The following GABRG3 variants were observed in gnomAD, a reference collection of about 807,000 sequenced individuals.
GABRG3 encodes the protein gamma-aminobutyric acid receptor subunit gamma-3.
GABRG3 carries 25 observed loss-of-function variants against 48.8 expected under a neutral mutation model. The ratio of observed to expected loss-of-function variants is 0.51; its 90% CI spans 0.37 to 0.72. GABRG3 has a LOEUF of 0.72. Among genes scored for constraint, GABRG3 ranks in the 30% least tolerant of loss-of-function variants. The pLI is 0.00. For missense variants in GABRG3, 394 were observed against 577.9 expected (o/e 0.68, Z 3.26); for synonymous variants, 227 against 217.6 (o/e 1.04, Z -0.38).
intron 5 of GABRG3, among the ~76,000 whole-genome samples, chr15:27,353,045 A>G (rs1313742519): frequency 1.3e-5 from 2 of 152,074 alleles, no homozygotes; most frequent in Admixed American, 1.3e-4. Flanking sequence ...TTATTACACA[A>G]AAACTCCTCC....
chr15:27,045,138 A>G (rs1896340722), intron 3 of GABRG3, among the ~76,000 whole-genome samples: 1 of 152,218 alleles, frequency 6.6e-6, no homozygotes, highest in Non-Finnish European at 1.5e-5. Flanking sequence ...CAGAAGTGGA[A>G]TGAGAAGCTC....
At chr15:27,163,066 T>A (rs772046504) in intron 3 of GABRG3, among the ~76,000 whole-genome samples, 1 of 151,966 alleles carries the variant, frequency 6.6e-6, no homozygotes, top group Non-Finnish European at 1.5e-5. Flanking sequence ...CAGTGTCCCA[T>A]GTGGCTGCTC....
At chr15:27,308,537 C>CATATATAATGTAAACATACATGTTT in intron 3 of GABRG3, among the ~76,000 whole-genome samples, 1 of 145,082 alleles carries the variant, frequency 6.9e-6, no homozygotes, top group East Asian at 2.1e-4. Context: ...TTTATATAAA[C>CATATATAATGTAAACATACATGTTT]ATATATAATG....
intron 3 of GABRG3, among the ~76,000 whole-genome samples, chr15:27,155,975 T>C (rs1410857711): frequency 6.6e-6 from 1 of 152,078 alleles, no homozygotes; most frequent in Non-Finnish European, 1.5e-5. Context: ...TCTATTCTGT[T>C]TGGCTAGAAA....
At chr15:27,189,108 C>T (rs1201032258) in intron 3 of GABRG3, among the ~76,000 whole-genome samples, 2 of 151,994 alleles carry the variant, frequency 1.3e-5, no homozygotes, top group South Asian at 2.1e-4. Context: ...GGTACCAGTA[C>T]CATGCTGTTT....
rs1159596681 is a variant in GABRG3 at position 27,541,828 on chromosome 15, C to T, written c.*8947C>T. The T allele has an allele frequency of 6.6e-6, 1 of 152,194 alleles. No individual in the cohort carries two copies. Among genetic ancestry groups the T allele is most frequent in the Non-Finnish European group, 1.5e-5 (1 of 68,050 alleles). 9.4% of individuals were successfully genotyped at this position (152,194 alleles called of 1,614,324 possible). ...GAAATGAGGGCGCACTGGCGCCCGACGTGCCTTGGCGACACGGGCGGCGCC... is the reference window on the plus strand; with the variant it reads ...GAAATGAGGGCGCACTGGCGCCCGATGTGCCTTGGCGACACGGGCGGCGCC... On this transcript the variant is annotated 3_prime_UTR_variant, in exon 10 of 10. Transcript: ENST00000615808.
intron 5 of GABRG3, among the ~76,000 whole-genome samples, chr15:27,456,100 G>A (rs1475357696): frequency 6.6e-6 from 1 of 152,082 alleles, no homozygotes; most frequent in East Asian, 1.9e-4. Flanking sequence ...ACTGCTTCTG[G>A]TCCTGCAGGT....
At chr15:27,461,706 G>C (rs1889455053) in intron 5 of GABRG3, among the ~76,000 whole-genome samples, 2 of 152,118 alleles carry the variant, frequency 1.3e-5, no homozygotes, top group Admixed American at 1.3e-4. Context: ...TGATTGGTCG[G>C]TTTTTACAGA....
intron 2 of GABRG3, among the ~76,000 whole-genome samples, chr15:27,002,538 G>T (rs973285436): frequency 6.6e-6 from 1 of 151,876 alleles, no homozygotes; most frequent in Admixed American, 6.6e-5. Context: ...TTTTTCTTTA[G>T]ATATTATTTT....
chr15:27,163,493 T>G lies in GABRG3; in HGVS notation c.270+136672T>G, dbSNP rs114003965. Among the ~76,000 whole-genome samples the G allele has an allele frequency of 7.8e-3, 1,192 of 152,086 alleles. 15 individuals are homozygous for G. The highest frequency in any genetic ancestry group is 0.027 in the African/African-American group (1,136 of 41,488). ...CATGTGATCACATGGAGCATTTCAT[T>G]TTAGAAAAACAGCTGCAATCTCTTG... On this transcript the variant is annotated intron_variant, in intron 3 of 9. Transcript: ENST00000615808.
rs1048175863 is a variant in GABRG3 at position 26,976,372 on chromosome 15, G to A, written c.54-630G>A. ...AGATGAATCAGTTTGTGTTGACCGA[G>A]GCGTGCAAGATTGCTAGAGGGTCTT... On this transcript the variant is annotated intron_variant, in intron 1 of 9. Coordinates refer to ENST00000615808, the MANE Select transcript of GABRG3 (RefSeq NM_033223.5). This position sits in a 1 kb window ranked among gnomAD's most constrained non-coding sequence, Gnocchi z 7.8. 3.3e-5 allele frequency among the ~76,000 whole-genome samples: 5 copies of A among 152,216 alleles called. No homozygotes were observed. Among genetic ancestry groups the A allele is most frequent in the African/African-American group, 1.2e-4 (5 of 41,450 alleles).
At chr15:26,972,278 A>G (rs915014134) in intron 1 of GABRG3, among the ~76,000 whole-genome samples, 1 of 152,168 alleles carries the variant, frequency 6.6e-6, no homozygotes, top group Non-Finnish European at 1.5e-5. Flanking sequence ...ATCTCACCAT[A>G]AATTCCGCAA....
At chr15:27,304,888 T>C (rs1892342255) in intron 3 of GABRG3, among the ~76,000 whole-genome samples, 2 of 152,012 alleles carry the variant, frequency 1.3e-5, no homozygotes, top group Non-Finnish European at 2.9e-5. Context: ...ATATTATGGA[T>C]ACTGGAACCT....
chr15:27,372,094 G>A (rs780370837), intron 5 of GABRG3, among the ~76,000 whole-genome samples: 3 of 151,912 alleles, frequency 2.0e-5, no homozygotes, highest in Non-Finnish European at 4.4e-5. Context: ...AAAACCTCAC[G>A]TATTGCACAA....
chr15:27,406,724 A>G (rs1887646695), intron 5 of GABRG3, among the ~76,000 whole-genome samples: 1 of 152,180 alleles, frequency 6.6e-6, no homozygotes, highest in Non-Finnish European at 1.5e-5. Context: ...TGGAACGTCA[A>G]GAGGGTACTA....
chr15:27,088,879 G>T (rs1399092289), intron 3 of GABRG3, among the ~76,000 whole-genome samples: 1 of 152,116 alleles, frequency 6.6e-6, no homozygotes, highest in African/African-American at 2.4e-5. Flanking sequence ...GAAGGGAGAC[G>T]GGGTGAGCCA....
At chr15:27,021,638 C>T (rs1317814809) in intron 2 of GABRG3, among the ~76,000 whole-genome samples, 2 of 152,140 alleles carry the variant, frequency 1.3e-5, no homozygotes, top group Non-Finnish European at 2.9e-5. Flanking sequence ...TCTGGAAGTT[C>T]AAGACCAGCC....
intron 3 of GABRG3, among the ~76,000 whole-genome samples, chr15:27,189,064 T>C (rs143259475): frequency 2.3e-3 from 356 of 152,306 alleles, no homozygotes; most frequent in African/African-American, 8.3e-3. Flanking sequence ...TTCTGAGGGC[T>C]CTGTTCTGTT....
intron 3 of GABRG3, among the ~76,000 whole-genome samples, chr15:27,134,968 G>A (rs1003644070): frequency 6.6e-6 from 1 of 152,178 alleles, no homozygotes; most frequent in African/African-American, 2.4e-5. Context: ...GCATTAAGGT[G>A]TTGCCCACGT....
Sources: gnomAD v4.1 joint callset for allele counts (sites outside exome capture counted in the v4.1 genomes callset) on GRCh38, gnomAD v4.1.1 for gene constraint, Gnocchi (gnomAD v3.1) non-coding constraint, MANE v1.5 for transcripts, NCBI Gene and HGNC (gene_info 2026-07-23, HGNC 2026-07-21) for gene names.